The following CDH12 variants were observed in gnomAD, a reference collection of about 807,000 sequenced individuals.
The protein encoded by CDH12 is cadherin 12.
CDH12 carries 41 observed loss-of-function variants against 74.1 expected under a neutral mutation model. The observed-to-expected ratio is 0.55, with a 90% CI of 0.43 to 0.72. The LOEUF (loss-of-function observed/expected upper bound fraction) is 0.72, where lower values mean the gene tolerates loss of function less well. CDH12 is among the 30% of genes least tolerant of loss of function. CDH12 has a pLI of 0.00. For synonymous variants in CDH12, 399 were observed against 355.0 expected (o/e 1.12, Z -1.39); for missense variants, 945 against 977.2 (o/e 0.97, Z 0.44).
intron 1 of CDH12, among the ~76,000 whole-genome samples, chr5:22,609,900 G>T (rs1737309643): frequency 6.6e-6 from 1 of 152,188 alleles, no homozygotes; most frequent in Admixed American, 6.5e-5. Context: ...GCCCATGCTA[G>T]TGTATAAGCT....
chr5:21,886,588 C>T (rs1348103264), intron 6 of CDH12, among the ~76,000 whole-genome samples: 1 of 146,440 alleles, frequency 6.8e-6, no homozygotes, highest in African/African-American at 2.5e-5. Context: ...TATATAAATT[C>T]AGAGGGGATA....
At chr5:22,123,778 G>A (rs1401089347) in intron 4 of CDH12, among the ~76,000 whole-genome samples, 1 of 152,112 alleles carries the variant, frequency 6.6e-6, no homozygotes, top group African/African-American at 2.4e-5. Context: ...TGATTTTAAA[G>A]ATGAGAACAT....
intron 6 of CDH12, among the ~76,000 whole-genome samples, chr5:21,928,943 A>ATT (rs1754713836): frequency 6.6e-6 from 1 of 152,002 alleles, no homozygotes; most frequent in Non-Finnish European, 1.5e-5. Context: ...ATCATTCTTG[A>ATT]TTTTCCTTCT....
At chr5:22,548,188 G>A (rs951644123) in intron 1 of CDH12, among the ~76,000 whole-genome samples, 1 of 152,094 alleles carries the variant, frequency 6.6e-6, no homozygotes, top group Non-Finnish European at 1.5e-5. Flanking sequence ...TACATACAAA[G>A]TGGATCAAGT....
intron 5 of CDH12, among the ~76,000 whole-genome samples, chr5:22,040,139 A>G (rs75008260): frequency 1.6e-3 from 242 of 151,956 alleles, no homozygotes; most frequent in African/African-American, 5.7e-3. Flanking sequence ...CTAAACATAA[A>G]TCTTGAAGCT....
At chr5:22,302,806 G>T (rs1737946186) in intron 3 of CDH12, among the ~76,000 whole-genome samples, 1 of 151,964 alleles carries the variant, frequency 6.6e-6, no homozygotes, top group Non-Finnish European at 1.5e-5. Context: ...TTAAAAATAA[G>T]AAATCATCAT....
intron 4 of CDH12, among the ~76,000 whole-genome samples, chr5:22,105,100 T>G (rs1405707059): frequency 6.6e-6 from 1 of 151,682 alleles, no homozygotes; most frequent in Non-Finnish European, 1.5e-5. Flanking sequence ...GCTTTTCTTT[T>G]CTTTTTTTTT....
intron 3 of CDH12, among the ~76,000 whole-genome samples, chr5:22,314,304 G>A (rs1738519597): frequency 6.6e-6 from 1 of 152,154 alleles, no homozygotes; most frequent in Non-Finnish European, 1.5e-5. Context: ...CAGTACCTCA[G>A]AATGTAAGTA....
chr5:21,842,263 G>A lies in CDH12; in HGVS notation c.712C>T (p.Gln238Ter), dbSNP rs768946921. Residue 238 changes from glutamine to a stop codon, truncating the protein, a stop_gained, in exon 8 of 15, where the codon CAA becomes TAA. Coordinates refer to ENST00000382254, the MANE Select transcript of CDH12 (RefSeq NM_004061.5). LOFTEE classifies it high-confidence loss of function. The stretch of plus-strand genomic sequence containing the variant: ...AGCTGTCCTCCCATATCCTTGGCTT[G>A]GATGAGTACTTGATATTGTTCTTTG... ...EVKEQYQVLI[Q>*]AKDMGGQLGG... 1 of 1,613,144 alleles carries A rather than the reference G, an allele frequency of 6.2e-7. No individual in the cohort carries two copies. The highest frequency in any genetic ancestry group is 1.3e-5 in the African/African-American group (1 of 74,874).
chr5:21,809,099 A>G (rs1747598658), intron 9 of CDH12, among the ~76,000 whole-genome samples: 1 of 152,104 alleles, frequency 6.6e-6, no homozygotes, highest in Non-Finnish European at 1.5e-5. Context: ...TTTATTAGAA[A>G]TGCACTTAAT....
intron 3 of CDH12, among the ~76,000 whole-genome samples, chr5:22,222,206 G>GA (rs1178481705): frequency 2.0e-5 from 3 of 151,910 alleles, no homozygotes; most frequent in African/African-American, 4.8e-5. Context: ...AAGCAGCACA[G>GA]AAAAAACTCT....
rs574606020 is a variant in CDH12 at position 21,937,022 on chromosome 5, C to A, written c.526+38069G>T. Among the ~76,000 whole-genome samples, 268 of 152,102 alleles carry A rather than the reference C, an allele frequency of 1.8e-3. 2 individuals carry two copies. Among genetic ancestry groups the A allele is most frequent in the African/African-American group, 6.0e-3 (247 of 41,502 alleles). ...TATCTTTATAGCAGTGTGAAATGGA[C>A]TAATAAGATAAACTTCAATAGAATA... On this transcript the variant is annotated intron_variant, in intron 6 of 14. Coordinates refer to ENST00000382254, the MANE Select transcript of CDH12 (RefSeq NM_004061.5).
intron 1 of CDH12, among the ~76,000 whole-genome samples, chr5:22,651,688 T>C (rs978769710): frequency 1.3e-5 from 2 of 149,274 alleles, no homozygotes; most frequent in East Asian, 2.0e-4. Context: ...AAGGAGTAGT[T>C]GATAGGATGG....
chr5:22,083,864 T>G (rs1384638262), intron 4 of CDH12, among the ~76,000 whole-genome samples: 1 of 152,158 alleles, frequency 6.6e-6, no homozygotes, highest in African/African-American at 2.4e-5. Flanking sequence ...CCCGCAAACT[T>G]GAGTTTCAAG....
intron 5 of CDH12, among the ~76,000 whole-genome samples, chr5:22,059,793 A>C (rs1359729763): frequency 2.0e-5 from 3 of 152,060 alleles, no homozygotes; most frequent in Non-Finnish European, 4.4e-5. Flanking sequence ...TAAACTTTCC[A>C]CTCCTTATTA....
intron 1 of CDH12, among the ~76,000 whole-genome samples, chr5:22,533,723 ACT>A (rs1737698923): frequency 1.3e-5 from 2 of 152,234 alleles, no homozygotes; most frequent in Non-Finnish European, 2.9e-5. Flanking sequence ...CAAGGGCTCT[ACT>A]GAGCACAGTT....
At chr5:22,654,441 C>T (rs567849844) in intron 1 of CDH12, among the ~76,000 whole-genome samples, 5 of 151,718 alleles carry the variant, frequency 3.3e-5, no homozygotes, top group African/African-American at 1.2e-4. Flanking sequence ...AGGCACCTGC[C>T]TCCACCGCCG....
chr5:22,587,924 A>G (rs1028196128), intron 1 of CDH12, among the ~76,000 whole-genome samples: 2 of 148,370 alleles, frequency 1.3e-5, no homozygotes, highest in African/African-American at 4.9e-5. Context: ...TATAATATAT[A>G]TAGATTTATA....
chr5:22,604,538 C>T (rs1024223464), intron 1 of CDH12, among the ~76,000 whole-genome samples: 5 of 152,126 alleles, frequency 3.3e-5, no homozygotes, highest in Admixed American at 1.3e-4. Flanking sequence ...TTATCCCCTC[C>T]CTTAAAGTCT....
Sources: allele counts gnomAD v4.1 joint callset (sites outside exome capture counted in the v4.1 genomes callset), GRCh38; gene constraint gnomAD v4.1.1; transcripts MANE v1.5; gene names NCBI Gene and HGNC (gene_info 2026-07-23, HGNC 2026-07-21).